Variants in ARAP3 observed in about 807,000 individuals in gnomAD.
ARAP3 encodes ArfGAP with RhoGAP domain, ankyrin repeat and PH domain 3, also known as arf-GAP with Rho-GAP domain, ANK repeat and PH domain-containing protein 3.
Under a neutral mutation model 169.2 loss-of-function variants are expected in ARAP3, and 82 were observed. The ratio of observed to expected loss-of-function variants is 0.48; its 90% CI spans 0.41 to 0.58. The LOEUF is 0.58. Among genes scored for constraint, ARAP3 ranks in the 20% least tolerant of loss-of-function variants. The pLI is 0.00. For missense variants in ARAP3, 1,764 were observed against 2,018.0 expected, an observed-to-expected ratio of 0.87 and a Z score of 2.41; for synonymous variants, 791 against 800.3, an observed-to-expected ratio of 0.99 and a Z score of 0.20.
chr5:141,673,304 C>A (rs568406402), intron 6 of ARAP3, 97 bp downstream of exon 6: 9 of 1,567,392 alleles, frequency 5.7e-6, no homozygotes, highest in Non-Finnish European at 7.9e-6. Context: ...CACTGCCCCG[C>A]CCACACACAC....
chr5:141,670,622 G>A lies in ARAP3; in HGVS notation c.1997C>T (p.Ser666Phe), dbSNP rs1418864208. The A allele has an allele frequency of 3.1e-6, 5 of 1,613,578 alleles. No homozygotes were observed. The highest frequency in any genetic ancestry group is 1.1e-5 in the South Asian group (1 of 91,072). ...SCPGLLPSDP[S>F]PGVYNEVVVR... is the part of the protein sequence containing the mutation. ...CACCACCTCATTGTACACACCAGGG[G>A]AGGGGTCTGCAAGGGGAAGGGGAAG... Residue 666 changes from serine (S) to phenylalanine (F), a missense_variant, in exon 14 of 33, where the codon TCC becomes TTC. Ser to Phe is a radical substitution (Grantham distance 155). Transcript: ENST00000239440.
chr5:141,659,056 T>C (rs963302183), intron 23 of ARAP3, among the ~76,000 whole-genome samples: 6 of 152,232 alleles, frequency 3.9e-5, no homozygotes, highest in African/African-American at 1.4e-4. Flanking sequence ...TTTGCTATTA[T>C]ATTTATTATT....
intron 4 of ARAP3, 79 bp downstream of exon 4, chr5:141,679,466 A>G (rs2099912678): frequency 3.6e-6 from 5 of 1,402,444 alleles, no homozygotes; most frequent in Non-Finnish European, 4.0e-6. Flanking sequence ...CTCAATGCAC[A>G]TTTGTTGAAT....
chr5:141,664,300 C>T (rs1198628797), intron 19 of ARAP3, among the ~76,000 whole-genome samples: 1 of 152,114 alleles, frequency 6.6e-6, no homozygotes, highest in Non-Finnish European at 1.5e-5. Context: ...AGGAGAATTG[C>T]TTGAACCCGA....
chr5:141,654,527 GA>G, intron 32 of ARAP3, 92 bp from the exon 33 acceptor site: 1 of 1,484,098 alleles, frequency 6.7e-7, no homozygotes, highest in Non-Finnish European at 9.0e-7. Context: ...CTCTGGGCCA[GA>G]TGCTGTAAAA....
chr5:141,655,448 A>C (rs1044857712), intron 31 of ARAP3, 48 bp from the exon 32 acceptor site: 1 of 1,582,530 alleles, frequency 6.3e-7, no homozygotes, highest in Non-Finnish European at 8.6e-7. Context: ...ACATAAAGAC[A>C]CAGTGAGGAC....
At chr5:141,660,240 C>T (rs568980364) in intron 21 of ARAP3, among the ~76,000 whole-genome samples, 1 of 152,122 alleles carries the variant, frequency 6.6e-6, no homozygotes, top group Non-Finnish European at 1.5e-5. Flanking sequence ...CGCTTGTAAT[C>T]CCAGCACTTT....
chr5:141,670,530 G>A lies in ARAP3; in HGVS notation c.2089C>T (p.Pro697Ser). 3 of 1,613,996 alleles carry A rather than the reference G, an allele frequency of 1.9e-6. No homozygotes were observed. The highest frequency in any genetic ancestry group is 2.5e-6 in the Non-Finnish European group (3 of 1,179,908). Residue 697 changes from proline to serine, a missense_variant, in exon 14 of 33, where the codon CCT becomes TCT. Transcript: ENST00000239440. Reference protein sequence around the residue: ...PVSNKAGPSPPRRGRDAPPRL... With the variant: ...PVSNKAGPSPSRRGRDAPPRL... ...CCCTCACCATCCCGGCCCCTGCGAG[G>A]GGGTGAGGGTCCAGCTTTGTTGCTG...
At position 141,656,216 on chromosome 5, in the gene ARAP3, T is replaced by G. The variant is rs1465627905; in HGVS notation, c.3850A>C (p.Lys1284Gln). ...CACGGTGTTGGGGGCTTTAACTTCT[T>G]GCGGATTCCCAGGTAGACCTTGGCA... ...EGAKVYLGIRKKLKPPTPWGF... is the reference protein window; with the variant it reads ...EGAKVYLGIRQKLKPPTPWGF... The change falls in exon 28 of 33, where the codon AAG becomes CAG. Residue 1284 changes from lysine (K) to glutamine (Q), a missense_variant. Lys to Gln is a moderately conservative substitution (Grantham distance 53, BLOSUM62 1). Around this residue, in one of 3 missense-constraint regions of ARAP3, gnomAD observed 1,112 missense variants for 1,285.7 expected, o/e 0.86. Coordinates refer to ENST00000239440, the MANE Select transcript of ARAP3 (RefSeq NM_022481.6). The G allele has an allele frequency of 6.2e-7, 1 of 1,614,100 alleles. No individual in the cohort carries two copies. Among genetic ancestry groups the G allele is most frequent in the Non-Finnish European group, 8.5e-7 (1 of 1,180,012 alleles).
intron 1 of ARAP3, among the ~76,000 whole-genome samples, chr5:141,681,120 A>G (rs918707315): frequency 1.3e-5 from 2 of 151,860 alleles, no homozygotes; most frequent in African/African-American, 4.8e-5. Flanking sequence ...GGCCGCCTCC[A>G]CATCCTGCCT....
chr5:141,659,432 A>G lies in ARAP3; in HGVS notation c.3312T>C (p.Leu1104=). The change falls in exon 23 of 33, where the codon CTT becomes CTC. Residue 1104 remains leucine, a synonymous_variant. Transcript: ENST00000239440. ...CCTGCACGTCCTTCCAGGTGGTGAT[A>G]AGACTGACCTCCAAGTCAATCTGAG... ...QVAQIDLEVS[L]ITTWKDVQLS... 1 of 1,614,216 alleles carries G rather than the reference A, an allele frequency of 6.2e-7. No homozygotes were observed. Among genetic ancestry groups the G allele is most frequent in the Non-Finnish European group, 8.5e-7 (1 of 1,180,036 alleles).
intron 30 of ARAP3, 35 bp from the exon 31 acceptor site, chr5:141,655,793 A>G: frequency 6.2e-7 from 1 of 1,614,166 alleles, no homozygotes; most frequent in Non-Finnish European, 8.5e-7. Flanking sequence ...ATCAGTGGGC[A>G]TGAAAGGCAC....
At chr5:141,656,019 G>T in intron 29 of ARAP3, 45 bp downstream of exon 29, 1 of 1,613,996 alleles carries the variant, frequency 6.2e-7, no homozygotes, top group Non-Finnish European at 8.5e-7. Flanking sequence ...AAAAGACAGG[G>T]TGCAGAGGTG....
chr5:141,673,306 C>A (rs1004914729), intron 6 of ARAP3, 95 bp downstream of exon 6: 68 of 1,571,436 alleles, frequency 4.3e-5, no homozygotes, highest in Non-Finnish European at 5.1e-5. Context: ...CTGCCCCGCC[C>A]ACACACACAA....
intron 16 of ARAP3, among the ~76,000 whole-genome samples, chr5:141,667,215 T>C (rs2099910774): frequency 6.6e-6 from 1 of 151,996 alleles, no homozygotes; most frequent in Non-Finnish European, 1.5e-5. Flanking sequence ...ACTCATTCTT[T>C]ATAGCCAAAA....
At chr5:141,673,371 T>C in intron 6 of ARAP3, 30 bp downstream of exon 6, 1 of 1,613,118 alleles carries the variant, frequency 6.2e-7, no homozygotes. Context: ...CTCCCTCATC[T>C]CCATATCGTC....
intron 25 of ARAP3, among the ~76,000 whole-genome samples, chr5:141,657,109 A>G (rs7704263): frequency 0.49 from 74,626 of 152,056 alleles, 19,406 homozygotes; most frequent in African/African-American, 0.68. Flanking sequence ...GAAACAATAA[A>G]CTGAGCAAGC....
At position 141,666,504 on chromosome 5, in the gene ARAP3, T is replaced by C. The variant is rs1048464809; in HGVS notation, c.2492A>G (p.His831Arg). The C allele has an allele frequency of 1.2e-6, 2 of 1,602,346 alleles. No homozygotes were observed. Among genetic ancestry groups the C allele is most frequent in the Non-Finnish European group, 1.7e-6 (2 of 1,174,546 alleles). ...GCCCGGCGCTGAGCACAGGAAGAGG[T>C]GGTCACCACGAAGGAGGCCAAACCC... ...LSGFGLLRGDHLFLCSAPGPG... is the reference protein window; with the variant it reads ...LSGFGLLRGDRLFLCSAPGPG... Residue 831 changes from histidine to arginine, a missense_variant, in exon 17 of 33, where the codon CAC (histidine) becomes CGC (arginine). Coordinates refer to ENST00000239440, the MANE Select transcript of ARAP3 (RefSeq NM_022481.6).
Position 141,671,993 on chromosome 5 carries a change from G to A in ARAP3, c.1586-13C>T, listed in dbSNP as rs780651398. 10 of 1,585,572 alleles carry A rather than the reference G, an allele frequency of 6.3e-6. No homozygotes were observed. The highest frequency in any genetic ancestry group is 8.6e-6 in the Non-Finnish European group (10 of 1,157,204). ...GCCCGGTGCTGACCTGTGAGGGTGT[G>A]AGGGTGTGTGAGGGTGTGTGAGGGT... On this transcript the variant is annotated splice_polypyrimidine_tract_variant and intron_variant, in intron 10 of 32. Transcript: ENST00000239440. This position sits in a 1 kb window ranked among gnomAD's most constrained non-coding sequence, Gnocchi z 4.9.
Sources: gnomAD v4.1 joint callset for allele counts (sites outside exome capture counted in the v4.1 genomes callset) on GRCh38, gnomAD v4.1.1 for gene constraint, gnomAD v4.1.1 regional missense constraint, Gnocchi (gnomAD v3.1) non-coding constraint, MANE v1.5 for transcripts, NCBI Gene and HGNC (gene_info 2026-07-23, HGNC 2026-07-21) for gene names.